Variants in PAPOLG observed in about 807,000 individuals in gnomAD.
PAPOLG encodes poly(A) polymerase gamma.
A neutral mutation model predicts 99.0 loss-of-function variants in PAPOLG; 40 were observed. The observed-to-expected ratio is 0.40, with a 90% CI of 0.31 to 0.53. The LOEUF (loss-of-function observed/expected upper bound fraction) is 0.53, where lower values mean the gene tolerates loss of function less well. PAPOLG is among the 20% of genes least tolerant of loss of function. The probability of loss-of-function intolerance (pLI) is 0.41; values close to 1 mark genes in which losing one functional copy is unlikely to be tolerated. For missense variants in PAPOLG, 675 were observed against 884.1 expected (o/e 0.76, Z 3.00); for synonymous variants, 310 against 299.3 (o/e 1.04, Z -0.37).
intron 8 of PAPOLG, among the ~76,000 whole-genome samples, chr2:60,777,221 C>T (rs578235407): frequency 1.3e-5 from 2 of 152,006 alleles, no homozygotes; most frequent in African/African-American, 4.8e-5. Context: ...TTTGGGAGGC[C>T]GAGGCGAGCG....
At chr2:60,796,813 C>T (rs559131062) in intron 21 of PAPOLG, among the ~76,000 whole-genome samples, 1 of 152,130 alleles carries the variant, frequency 6.6e-6, no homozygotes, top group African/African-American at 2.4e-5. Flanking sequence ...TACATATTCA[C>T]ACTCCTGCCA....
intron 8 of PAPOLG, among the ~76,000 whole-genome samples, chr2:60,776,467 GC>G (rs1671024469): frequency 8.3e-6 from 1 of 121,170 alleles, no homozygotes. Flanking sequence ...TCACTGTCTC[GC>G]CCAGGCTGGA....
At chr2:60,774,585 C>G (rs991419575) in intron 7 of PAPOLG, among the ~76,000 whole-genome samples, 1 of 152,234 alleles carries the variant, frequency 6.6e-6, no homozygotes, top group African/African-American at 2.4e-5. Context: ...AGACTGGTCT[C>G]GAGCGCCTGA....
intron 15 of PAPOLG, chr2:60,791,506 T>G: frequency 4.2e-6 from 1 of 236,768 alleles, no homozygotes; most frequent in Non-Finnish European, 8.3e-6. Flanking sequence ...GAGCTGAGAT[T>G]GCGCCATTGC....
intron 7 of PAPOLG, 126 bp downstream of exon 7, chr2:60,771,756 C>T (rs776328267): frequency 9.9e-7 from 1 of 1,007,856 alleles, no homozygotes; most frequent in South Asian, 1.7e-5. Context: ...TTTCCTTATA[C>T]AGATAATGTG....
intron 8 of PAPOLG, among the ~76,000 whole-genome samples, chr2:60,779,392 G>C (rs1176556837): frequency 1.1e-4 from 17 of 152,296 alleles, no homozygotes; most frequent in Non-Finnish European, 1.5e-5. Flanking sequence ...GTATTAGAAG[G>C]GAAAGTAAGG....
Position 60,793,702 on chromosome 2 carries a change from A to G in PAPOLG, c.1755A>G (p.Pro585=). The G allele has an allele frequency of 1.2e-6, 2 of 1,613,206 alleles. No individual in the cohort carries two copies. The highest frequency in any genetic ancestry group is 1.7e-6 in the Non-Finnish European group (2 of 1,179,430). ...SVPPAQGLSI[P]VIGAKVDSTV... ...CACCAGCCCAAGGACTTTCCATTCC[A>G]GTGATTGGCGCAAGTAGGTATCTAA... is the stretch of plus-strand genomic sequence containing the variant. Residue 585 remains proline, a synonymous_variant, in exon 18 of 22, where the codon CCA becomes CCG. Coordinates refer to ENST00000238714, the MANE Select transcript of PAPOLG (RefSeq NM_022894.4).
At chr2:60,783,500 C>CTTTTTTTTTTTTTTTTTTTTTTT (rs761205449) in intron 13 of PAPOLG, among the ~76,000 whole-genome samples, 2 of 45,362 alleles carry the variant, frequency 4.4e-5, no homozygotes, top group Non-Finnish European at 8.9e-5. Context: ...TTTACCCGGC[C>CTTTTTTTTTTTTTTTTTTTTTTT]TTTTTTTTTT....
chr2:60,786,265 C>T lies in PAPOLG; in HGVS notation c.1167-682C>T, dbSNP rs1443320476. ...ATTTATTTAGAGATGGAACCTCACT[C>T]TGTCACCCAGGCTGGAGTGCAGTGG... On this transcript the variant is annotated intron_variant, in intron 13 of 21. Transcript: ENST00000238714. Among the ~76,000 whole-genome samples the T allele has an allele frequency of 2.0e-5, 3 of 152,264 alleles. No individual in the cohort carries two copies. The East Asian group carries it at 5.8e-4, about 29-fold the overall frequency.
chr2:60,772,036 CT>C (rs566462438), intron 7 of PAPOLG, among the ~76,000 whole-genome samples: 233 of 143,894 alleles, frequency 1.6e-3, no homozygotes, highest in Admixed American at 1.6e-3. Context: ...AGAATGGCTT[CT>C]TTTTTTTTTT....
chr2:60,779,931 A>G (rs144922576), intron 9 of PAPOLG, among the ~76,000 whole-genome samples, 156 bp downstream of exon 9: 388 of 152,364 alleles, frequency 2.5e-3, no homozygotes, highest in African/African-American at 9.1e-3. Context: ...CAATGGTGGG[A>G]CATCTAATTG....
At chr2:60,782,875 G>C (rs566560679) in intron 12 of PAPOLG, 105 bp downstream of exon 12, 1 of 1,319,814 alleles carries the variant, frequency 7.6e-7, no homozygotes, top group South Asian at 1.7e-5. Flanking sequence ...TATTTCTTAA[G>C]CAAGAGAGAA....
chr2:60,782,917 GTTTC>G (rs2103803837), intron 12 of PAPOLG, 147 bp downstream of exon 12: 1 of 1,130,104 alleles, frequency 8.8e-7, no homozygotes, highest in South Asian at 2.1e-5. Flanking sequence ...AGATAAGAGT[GTTTC>G]TTTATTCTGG....
intron 1 of PAPOLG, among the ~76,000 whole-genome samples, chr2:60,757,213 C>G (rs182837426): frequency 6.6e-6 from 1 of 152,344 alleles, no homozygotes; most frequent in Non-Finnish European, 1.5e-5. Flanking sequence ...TAACTGTACA[C>G]ACATACACGT....
chr2:60,793,844 A>C lies in PAPOLG; in HGVS notation c.1769-127A>C. ...GAGGGTCACCTGAGCCTGGGAAGTC[A>C]AGGCTGCAGTGAGCTGTGATCAAGC... On this transcript the variant is annotated intron_variant, in intron 18 of 21. Coordinates refer to ENST00000238714, the MANE Select transcript of PAPOLG (RefSeq NM_022894.4). 4.3e-6 allele frequency: 6 copies of C among 1,407,354 alleles called. No individual in the cohort carries two copies. The South Asian group carries it at 5.5e-5, about 13-fold the overall frequency. The allele number at this position is 1,407,354 out of a possible 1,614,324, so 87.2% of individuals were successfully genotyped here. A position where few individuals can be genotyped will look rare whatever the true frequency, so the allele number is the denominator to read the frequency against.
In PAPOLG at chr2:60,793,664, C is replaced by G; in HGVS notation, c.1717C>G (p.Pro573Ala). ...AEPAAVIVEK[P>A]LSVPPAQGLS... ...GCCTGCTGCTGTAATTGTGGAGAAG[C>G]CACTGAGTGTACCACCAGCCCAAGG... Residue 573 changes from proline to alanine, a missense_variant, in exon 18 of 22, where the codon CCA (proline) becomes GCA (alanine). Physicochemically the swap from Pro to Ala is conservative, Grantham distance 27 (BLOSUM62 -1). Transcript: ENST00000238714. 5.0e-6 allele frequency: 8 copies of G among 1,613,862 alleles called. No homozygotes were observed. Among genetic ancestry groups the G allele is most frequent in the Non-Finnish European group, 5.9e-6 (7 of 1,179,826 alleles).
intron 3 of PAPOLG, among the ~76,000 whole-genome samples, chr2:60,763,391 C>G (rs1429321365): frequency 6.6e-6 from 1 of 151,640 alleles, no homozygotes; most frequent in Non-Finnish European, 1.5e-5. Flanking sequence ...CTAAAATTTG[C>G]TTGATTTTTT....
rs773571867 is a variant in PAPOLG, at chr2:60,761,744, G to C, written c.183G>C (p.Leu61=). ...FEDEEELNHR[L]VVLGKLNNLV... ...TCTGAAGCATTTTTTTTTATAGGCT[G>C]GTGGTTCTTGGTAAATTGAACAATT... The change falls in exon 3 of 22, where the codon CTG becomes CTC. Residue 61 remains leucine (L), a synonymous_variant. Coordinates refer to ENST00000238714, the MANE Select transcript of PAPOLG (RefSeq NM_022894.4). 1.9e-6 allele frequency: 3 copies of C among 1,601,678 alleles called. No homozygotes were observed. Among genetic ancestry groups the C allele is most frequent in the Admixed American group, 3.4e-5 (2 of 59,122 alleles).
rs1312033502 is a variant in PAPOLG, at chr2:60,782,024, T to C, written c.1027+19T>C. 6.2e-7 allele frequency: 1 copy of C among 1,611,332 alleles called. No individual in the cohort carries two copies. The highest frequency in any genetic ancestry group is 1.3e-5 in the African/African-American group (1 of 74,986). ...AAACAAGGTAAACATGTGGCCCTGT[T>C]GCCCTTTACATATTCCCACAAGTTT... On this transcript the variant is annotated intron_variant, in intron 11 of 21. Coordinates refer to ENST00000238714, the MANE Select transcript of PAPOLG (RefSeq NM_022894.4).
Sources: allele counts gnomAD v4.1 joint callset (sites outside exome capture counted in the v4.1 genomes callset), GRCh38; gene constraint gnomAD v4.1.1; transcripts MANE v1.5; gene names NCBI Gene and HGNC (gene_info 2026-07-23, HGNC 2026-07-21).